The following GPC5 variants were observed in gnomAD, a reference collection of about 807,000 sequenced individuals.
GPC5 encodes glypican-5.
A neutral mutation model predicts 53.9 loss-of-function variants in GPC5; 47 were observed. The observed-to-expected ratio is 0.87, with a 90% confidence interval of 0.69 to 1.11. The LOEUF is 1.11. GPC5 is among the 50% of genes most tolerant of loss of function. The probability of loss-of-function intolerance (pLI) is 0.00; values close to 1 mark genes in which losing one functional copy is unlikely to be tolerated. For missense variants in GPC5, 748 were observed against 713.1 expected, an observed-to-expected ratio of 1.05 and a Z score of -0.56; for synonymous variants, 286 against 263.3, an observed-to-expected ratio of 1.09 and a Z score of -0.84.
rs181284801 is a variant in GPC5, at chr13:91,724,438, A to G, written c.1021-4094A>G. On this transcript the variant is annotated intron_variant, in intron 3 of 7. Transcript: ENST00000377067. ...AGTGTGCTTAATAATCACTCGAACT[A>G]CCTCCTTTTTTTTTTCAATTTGTAA... is the stretch of plus-strand genomic sequence containing the variant. Among the ~76,000 whole-genome samples the G allele has an allele frequency of 7.2e-4, 105 of 146,000 alleles. 1 individual carries two copies. The highest frequency in any genetic ancestry group is 1.6e-3 in the South Asian group (7 of 4,516).
intron 6 of GPC5, among the ~76,000 whole-genome samples, chr13:92,068,165 T>C (rs1165284157): frequency 6.6e-6 from 1 of 151,988 alleles, no homozygotes; most frequent in African/African-American, 2.4e-5. Flanking sequence ...TTGAACCTTG[T>C]TGTTGCAGGA....
chr13:92,427,605 G>A (rs931856383), intron 7 of GPC5, among the ~76,000 whole-genome samples: 3 of 151,908 alleles, frequency 2.0e-5, no homozygotes, highest in Non-Finnish European at 2.9e-5. Context: ...TATTTTTAGG[G>A]CTGGTAAAGG....
chr13:91,535,463 A>G (rs1886546527), intron 2 of GPC5, among the ~76,000 whole-genome samples: 1 of 152,162 alleles, frequency 6.6e-6, no homozygotes, highest in African/African-American at 2.4e-5. Context: ...CATTTAACAC[A>G]ATTCTGCATA....
intron 7 of GPC5, among the ~76,000 whole-genome samples, chr13:92,387,773 C>G (rs1874806454): frequency 1.3e-5 from 2 of 152,096 alleles, no homozygotes; most frequent in Admixed American, 6.6e-5. Context: ...GTTAATTAAC[C>G]TATTTAAGCT....
At chr13:92,693,784 T>A (rs1017228338) in intron 7 of GPC5, among the ~76,000 whole-genome samples, 5 of 152,142 alleles carry the variant, frequency 3.3e-5, no homozygotes, top group Non-Finnish European at 7.3e-5. Flanking sequence ...GGGGAGAAAT[T>A]CAATCCACCT....
intron 7 of GPC5, among the ~76,000 whole-genome samples, chr13:92,670,649 G>T (rs1436544481): frequency 6.6e-6 from 1 of 152,138 alleles, no homozygotes; most frequent in African/African-American, 2.4e-5. Flanking sequence ...AAGAAGAGTA[G>T]ATAGGGTCTA....
At position 92,442,707 on chromosome 13, in the gene GPC5, T is replaced by C. The variant is rs555200560; in HGVS notation, c.1561+297718T>C. Reference sequence around the variant, plus strand: ...TGGTTTCAGGAAGCTTACAACATTCTGTGAAGACTGTTCTGAGCTACTCCA... The same window carrying C: ...TGGTTTCAGGAAGCTTACAACATTCCGTGAAGACTGTTCTGAGCTACTCCA... On this transcript the variant is annotated intron_variant, in intron 7 of 7. Transcript: ENST00000377067. Among the ~76,000 whole-genome samples, 394 of 152,268 alleles carry C rather than the reference T, an allele frequency of 2.6e-3. 2 individuals carry two copies. The highest frequency in any genetic ancestry group is 8.9e-3 in the African/African-American group (371 of 41,570).
chr13:91,589,452 A>G (rs1424670754), intron 2 of GPC5, among the ~76,000 whole-genome samples: 1 of 152,070 alleles, frequency 6.6e-6, no homozygotes, highest in Non-Finnish European at 1.5e-5. Context: ...GAGCCTGTCC[A>G]AGACAGCTTC....
At chr13:92,635,006 A>C (rs922194462) in intron 7 of GPC5, among the ~76,000 whole-genome samples, 1 of 151,762 alleles carries the variant, frequency 6.6e-6, no homozygotes, top group African/African-American at 2.4e-5. Flanking sequence ...ATTATAAAAT[A>C]TTTTACTCTT....
At chr13:91,634,310 T>C (rs2034232379) in intron 2 of GPC5, among the ~76,000 whole-genome samples, 1 of 152,060 alleles carries the variant, frequency 6.6e-6, no homozygotes, top group African/African-American at 2.4e-5. Context: ...TGACAACTGG[T>C]CTTTGAAGTT....
chr13:92,854,816 A>T (rs1176798122), intron 7 of GPC5, among the ~76,000 whole-genome samples: 2 of 151,968 alleles, frequency 1.3e-5, no homozygotes, highest in Middle Eastern at 3.2e-3. Flanking sequence ...ATAGTTTGCA[A>T]ATTTTTTTCT....
intron 2 of GPC5, among the ~76,000 whole-genome samples, chr13:91,671,314 C>A (rs985389897): frequency 6.6e-6 from 1 of 152,054 alleles, no homozygotes; most frequent in South Asian, 2.1e-4. Flanking sequence ...GTGTTTAGAG[C>A]TGCAACATAT....
chr13:92,051,242 A>G (rs1483108486), intron 6 of GPC5, among the ~76,000 whole-genome samples: 1 of 127,332 alleles, frequency 7.9e-6, no homozygotes, highest in Non-Finnish European at 1.6e-5. Flanking sequence ...TCGCTCTGTC[A>G]CCAGGCTGGA....
At position 92,760,329 on chromosome 13, in the gene GPC5, G is replaced by T. The variant is rs1029725546; in HGVS notation, c.1562-105953G>T. ...TTTGATTTTGTGCTTTTATCAAGAA[G>T]TTTTTAATTATTACTTTAATGTCTT... On this transcript the variant is annotated intron_variant, in intron 7 of 7. Coordinates refer to ENST00000377067, the MANE Select transcript of GPC5 (RefSeq NM_004466.6). Among the ~76,000 whole-genome samples the T allele has an allele frequency of 1.3e-4, 20 of 152,068 alleles. 1 individual carries two copies. The highest frequency in any genetic ancestry group is 2.8e-4 in the Non-Finnish European group (19 of 67,964).
Position 92,666,696 on chromosome 13 carries a change from T to C in GPC5, c.1562-199586T>C, listed in dbSNP as rs117191970. Among the ~76,000 whole-genome samples the C allele has an allele frequency of 8.5e-3, 1,293 of 152,344 alleles. 6 individuals carry two copies. The highest frequency in any genetic ancestry group is 0.015 in the Non-Finnish European group (1,035 of 68,036). The stretch of plus-strand genomic sequence containing the variant: ...TTTAATGCAATTTGAAGGGAGAACA[T>C]TAGTGCTCAGCATTTATAATTTATC... On this transcript the variant is annotated intron_variant, in intron 7 of 7. Transcript: ENST00000377067.
chr13:92,851,982 A>G (rs181680346), intron 7 of GPC5, among the ~76,000 whole-genome samples: 20 of 152,184 alleles, frequency 1.3e-4, no homozygotes, highest in African/African-American at 4.8e-4. Context: ...CTGAGATACA[A>G]TGAGGAGGTG....
chr13:92,351,769 G>C (rs1198749843), intron 7 of GPC5, among the ~76,000 whole-genome samples: 2 of 151,966 alleles, frequency 1.3e-5, no homozygotes, highest in East Asian at 3.9e-4. Context: ...TTGTATGAGA[G>C]AATATCAAGT....
chr13:92,754,262 T>C (rs1009382042), intron 7 of GPC5, among the ~76,000 whole-genome samples: 1 of 152,172 alleles, frequency 6.6e-6, no homozygotes, highest in African/African-American at 2.4e-5. Context: ...TAAAATATTT[T>C]ACAGACAAGC....
At chr13:92,319,848 T>C (rs2043204546) in intron 7 of GPC5, among the ~76,000 whole-genome samples, 1 of 152,148 alleles carries the variant, frequency 6.6e-6, no homozygotes, top group South Asian at 2.1e-4. Flanking sequence ...CCAAATCCCA[T>C]TCCATTTTTT....
Sources: gnomAD v4.1 joint callset for allele counts (sites outside exome capture counted in the v4.1 genomes callset) on GRCh38, gnomAD v4.1.1 for gene constraint, MANE v1.5 for transcripts, NCBI Gene and HGNC (gene_info 2026-07-23, HGNC 2026-07-21) for gene names.